Variants in ST14 observed in about 807,000 individuals in gnomAD.
ST14 encodes the protein suppressor of tumorigenicity 14 protein.
Under a neutral mutation model 96.5 loss-of-function variants are expected in ST14, and 40 were observed. The ratio of observed to expected loss-of-function variants is 0.41; its 90% CI spans 0.32 to 0.54. ST14 has a LOEUF of 0.54. ST14 is among the 20% of genes least tolerant of loss of function. The pLI is 0.17. For missense variants in ST14, 1,066 were observed against 1,188.9 expected (o/e 0.90, Z 1.52); for synonymous variants, 506 against 492.1 (o/e 1.03, Z -0.37).
At chr11:130,195,636 C>G (rs563027863) in intron 9 of ST14, among the ~76,000 whole-genome samples, 1 of 151,920 alleles carries the variant, frequency 6.6e-6, no homozygotes, top group East Asian at 2.0e-4. Flanking sequence ...AGGTGGATCA[C>G]GAGGTCAGGA....
chr11:130,188,117 G>T lies in ST14; in HGVS notation c.85G>T (p.Val29Leu), dbSNP rs1215437466. 1 of 1,614,060 alleles carries T rather than the reference G, an allele frequency of 6.2e-7. No homozygotes were observed. Among genetic ancestry groups the T allele is most frequent in the South Asian group, 1.1e-5 (1 of 91,088 alleles). Residue 29 changes from valine (V) to leucine (L), a missense_variant, in exon 2 of 19, where the codon GTG (valine) becomes TTG (leucine). By Grantham distance (32) the Val-to-Leu change is conservative (BLOSUM62 1). Transcript: ENST00000278742. This position sits in a 1 kb window ranked among gnomAD's most constrained non-coding sequence, Gnocchi z 5.4. The stretch of plus-strand genomic sequence containing the variant: ...GGTGGCGCCTCTCTCCCTGCAGAAA[G>T]TGAATGGCTTGGAGGAAGGCGTGGA... Reference protein sequence around the residue: ...GLKYNSRHEKVNGLEEGVEFL... With the variant: ...GLKYNSRHEKLNGLEEGVEFL...
rs1178083039 is a variant in ST14, at chr11:130,187,307, C to A, written c.82-807C>A. ...CCGGTCCGTCACTGGGTGCAGCAGA[C>A]ACCCCACCTGCCCCTCCGTATTCTG... On this transcript the variant is annotated intron_variant, in intron 1 of 18. Transcript: ENST00000278742. The surrounding 1 kb of genome is among the most constrained non-coding windows in gnomAD (Gnocchi z 4.5). Among the ~76,000 whole-genome samples the A allele has an allele frequency of 6.6e-6, 1 of 152,236 alleles. No homozygotes were observed. The highest frequency in any genetic ancestry group is 1.5e-5 in the Non-Finnish European group (1 of 68,050).
At chr11:130,166,945 T>C (rs1953046535) in intron 1 of ST14, among the ~76,000 whole-genome samples, 1 of 152,204 alleles carries the variant, frequency 6.6e-6, no homozygotes, top group Admixed American at 6.5e-5. Context: ...GTGCGGTGGT[T>C]CATGCCTGTA....
intron 1 of ST14, among the ~76,000 whole-genome samples, chr11:130,170,632 G>C (rs536924902): frequency 1.8e-3 from 280 of 151,950 alleles, no homozygotes; most frequent in Non-Finnish European, 2.8e-3. Context: ...CAGCCATTCC[G>C]AGCAGGCAGA....
Position 130,198,639 on chromosome 11 carries a change from C to G in ST14, c.1684+18C>G. ...CCCCAAGGGTGAGGCCCGCCCCACC[C>G]ATCTTCCTGTTGGGGGCCTCGCCCC... On this transcript the variant is annotated intron_variant, in intron 14 of 18. Coordinates refer to ENST00000278742, the MANE Select transcript of ST14 (RefSeq NM_021978.4). The G allele has an allele frequency of 6.2e-7, 1 of 1,603,036 alleles. No homozygotes were observed. The highest frequency in any genetic ancestry group is 8.5e-7 in the Non-Finnish European group (1 of 1,171,074).
At chr11:130,207,724 C>G (rs1020438703) in intron 16 of ST14, among the ~76,000 whole-genome samples, 1 of 152,316 alleles carries the variant, frequency 6.6e-6, no homozygotes, top group East Asian at 1.9e-4. Context: ...AACTTAGACA[C>G]AACACAACAT....
chr11:130,173,131 G>A (rs1953108334), intron 1 of ST14, among the ~76,000 whole-genome samples: 1 of 152,108 alleles, frequency 6.6e-6, no homozygotes. Flanking sequence ...AACCACTTAC[G>A]GCCTTCCAAA....
intron 1 of ST14, among the ~76,000 whole-genome samples, chr11:130,164,387 G>A (rs1296050149): frequency 6.6e-6 from 1 of 151,472 alleles, no homozygotes; most frequent in Non-Finnish European, 1.5e-5. Flanking sequence ...TTGAGACCAA[G>A]TATTACCCTT....
In ST14 at chr11:130,187,563, T is replaced by C. The variant is rs1953249334; in HGVS notation, c.82-551T>C. On this transcript the variant is annotated intron_variant, in intron 1 of 18. Transcript: ENST00000278742. This position sits in a 1 kb window ranked among gnomAD's most constrained non-coding sequence, Gnocchi z 4.5. ...CTTTTTACTTTTGGCTGGTTCACCA[T>C]TGGCAGGGCAAGGCCGCTGGGTAGG... 6.6e-6 allele frequency among the ~76,000 whole-genome samples: 1 copy of C among 152,158 alleles called. No individual in the cohort carries two copies. Among genetic ancestry groups the C allele is most frequent in the Non-Finnish European group, 1.5e-5 (1 of 68,012 alleles).
Position 130,197,854 on chromosome 11 carries a change from G to C in ST14, c.1368G>C (p.Gln456His), listed in dbSNP as rs530719921. Residue 456 changes from glutamine to histidine, a missense_variant, in exon 12 of 19, where the codon CAG becomes CAC. By Grantham distance (24) the Gln-to-His change is conservative. Coordinates refer to ENST00000278742, the MANE Select transcript of ST14 (RefSeq NM_021978.4). ...CTGTGCCCGCAGCATGCCCGGGGCAGTTCACGTGCCGCACGGGGCGGTGTA... is the reference window on the plus strand; with the variant it reads ...CTGTGCCCGCAGCATGCCCGGGGCACTTCACGTGCCGCACGGGGCGGTGTA... ...SYDSSDPCPG[Q>H]FTCRTGRCIR... 1 of 1,582,968 alleles carries C rather than the reference G, an allele frequency of 6.3e-7. No homozygotes were observed. Among genetic ancestry groups the C allele is most frequent in the East Asian group, 2.3e-5 (1 of 43,482 alleles).
chr11:130,195,866 A>T (rs1412538004), intron 9 of ST14, among the ~76,000 whole-genome samples: 1 of 142,158 alleles, frequency 7.0e-6, no homozygotes, highest in African/African-American at 2.7e-5. Context: ...AAAAAAAAAA[A>T]AGAAAAGAGG....
At chr11:130,208,382 G>T in intron 16 of ST14, 28 bp from the exon 17 acceptor site, 1 of 1,613,722 alleles carries the variant, frequency 6.2e-7, no homozygotes, top group Non-Finnish European at 8.5e-7. Context: ...GAGTGACCGC[G>T]CAGTCTCATA....
chr11:130,209,372 T>G, intron 17 of ST14, 70 bp from the exon 18 acceptor site: 1 of 1,543,040 alleles, frequency 6.5e-7, no homozygotes, highest in Admixed American at 2.0e-5. Context: ...CAATGACCCG[T>G]GGGGAGCGTC....
Position 130,190,586 on chromosome 11 carries a change from T to C in ST14, c.767T>C (p.Leu256Pro). The stretch of plus-strand genomic sequence containing the variant: ...CTGCGGGGGGACGCCGACTCAGTGC[T>C]GAGCCTCACCTTCCGCAGCTTTGAC... The part of the protein sequence containing the change: ...WALRGDADSV[L>P]SLTFRSFDLA... The change falls in exon 7 of 19, where the codon CTG (leucine) becomes CCG (proline). Residue 256 changes from leucine to proline, a missense_variant. Physicochemically the swap from Leu to Pro is moderately conservative, Grantham distance 98. Transcript: ENST00000278742. 1 of 1,613,086 alleles carries C rather than the reference T, an allele frequency of 6.2e-7. No individual in the cohort carries two copies. Among genetic ancestry groups the C allele is most frequent in the Non-Finnish European group, 8.5e-7 (1 of 1,179,874 alleles).
intron 1 of ST14, among the ~76,000 whole-genome samples, chr11:130,173,053 G>C (rs989874124): frequency 6.6e-6 from 1 of 152,170 alleles, no homozygotes; most frequent in Non-Finnish European, 1.5e-5. Context: ...AGGACTGAGA[G>C]CCCTGAGCTG....
intron 9 of ST14, 60 bp downstream of exon 9, chr11:130,194,797 T>G (rs1188181429): frequency 6.4e-7 from 1 of 1,555,974 alleles, no homozygotes; most frequent in Non-Finnish European, 8.8e-7. Context: ...CACGTGTGTG[T>G]GTCTCCCTGT....
intron 1 of ST14, among the ~76,000 whole-genome samples, chr11:130,170,579 G>A (rs1036160017): frequency 2.0e-5 from 3 of 152,142 alleles, no homozygotes; most frequent in African/African-American, 7.2e-5. Context: ...GCTTTGGCCT[G>A]TGTGCTGGAG....
intron 17 of ST14, 104 bp downstream of exon 17, chr11:130,208,788 C>T: frequency 2.2e-6 from 3 of 1,394,338 alleles, no homozygotes; most frequent in Non-Finnish European, 2.9e-6. Flanking sequence ...CTGCTCCAGT[C>T]TCCCTCTGCC....
At chr11:130,206,434 C>T (rs1953489298) in intron 16 of ST14, among the ~76,000 whole-genome samples, 1 of 152,156 alleles carries the variant, frequency 6.6e-6, no homozygotes, top group Non-Finnish European at 1.5e-5. Context: ...TGCCCGGCGT[C>T]TCAGCGTCCG....
Sources: allele counts gnomAD v4.1 joint callset (sites outside exome capture counted in the v4.1 genomes callset), GRCh38; gene constraint gnomAD v4.1.1; non-coding constraint Gnocchi (gnomAD v3.1); transcripts MANE v1.5; gene names NCBI Gene and HGNC (gene_info 2026-07-23, HGNC 2026-07-21).